Variants in BCL7B observed in about 807,000 individuals in gnomAD.
The protein encoded by BCL7B is B-cell CLL/lymphoma 7 protein family member B.
BCL7B carries 11 observed loss-of-function variants against 26.5 expected under a neutral mutation model. The ratio of observed to expected loss-of-function variants is 0.42; its 90% CI spans 0.26 to 0.69. BCL7B has a LOEUF of 0.69. BCL7B is among the 30% of genes least tolerant of loss of function. BCL7B has a pLI of 0.28. For synonymous variants in BCL7B, 111 were observed against 107.9 expected (o/e 1.03, Z -0.18); for missense variants, 215 against 264.4 (o/e 0.81, Z 1.30).
At chr7:73,557,061 C>T (rs1792386726) in intron 1 of BCL7B, 4 of 988,032 alleles carry the variant, frequency 4.0e-6, no homozygotes, top group Non-Finnish European at 3.6e-6. Context: ...CGCCTGAATA[C>T]GCAGAGCGCT....
intron 2 of BCL7B, among the ~76,000 whole-genome samples, chr7:73,548,776 C>G (rs1792051799): frequency 6.6e-6 from 1 of 151,528 alleles, no homozygotes. Flanking sequence ...ACTAAAAATA[C>G]AAAATTAGCC....
At chr7:73,541,018 G>A (rs760563481) in intron 3 of BCL7B, among the ~76,000 whole-genome samples, 10 of 151,648 alleles carry the variant, frequency 6.6e-5, no homozygotes, top group Non-Finnish European at 1.3e-4. Flanking sequence ...ATGATAGCAC[G>A]CGCCTGTAAT....
chr7:73,554,819 T>TGACA (rs1368661256), intron 1 of BCL7B, among the ~76,000 whole-genome samples: 2 of 146,100 alleles, frequency 1.4e-5, no homozygotes, highest in Non-Finnish European at 3.0e-5. Context: ...AAAAAACAGA[T>TGACA]GACATACTGG....
intron 1 of BCL7B, among the ~76,000 whole-genome samples, chr7:73,552,448 G>GA (rs1276637008): frequency 1.3e-5 from 2 of 151,744 alleles, no homozygotes; most frequent in Non-Finnish European, 2.9e-5. Context: ...AGGAGGTTGA[G>GA]AACAGCCTGG....
chr7:73,539,825 C>A, intron 4 of BCL7B, 57 bp downstream of exon 4: 1 of 1,585,908 alleles, frequency 6.3e-7, no homozygotes. Context: ...CGAGACACAA[C>A]AAGAGCAGAA....
chr7:73,556,922 A>C, intron 1 of BCL7B: 7 of 980,970 alleles, frequency 7.1e-6, no homozygotes, highest in Non-Finnish European at 8.5e-6. Flanking sequence ...CGGGGCAGCA[A>C]GAGAAAATGC....
At chr7:73,549,546 T>G (rs554873465) in intron 2 of BCL7B, among the ~76,000 whole-genome samples, 5 of 152,278 alleles carry the variant, frequency 3.3e-5, no homozygotes, top group African/African-American at 1.2e-4. Flanking sequence ...CGATGGCTCA[T>G]GCCTAAAATC....
intron 1 of BCL7B, among the ~76,000 whole-genome samples, chr7:73,554,683 G>A (rs552124718): frequency 4.0e-5 from 6 of 151,138 alleles, no homozygotes; most frequent in Admixed American, 2.7e-4. Flanking sequence ...CTGTAGTCCC[G>A]ACTACTCAGG....
At chr7:73,552,799 AG>A (rs1792226979) in intron 1 of BCL7B, among the ~76,000 whole-genome samples, 1 of 152,050 alleles carries the variant, frequency 6.6e-6, no homozygotes, top group Non-Finnish European at 1.5e-5. Context: ...GAAAAAAAAA[AG>A]GATGTGGGAC....
At chr7:73,554,749 G>C (rs914919605) in intron 1 of BCL7B, among the ~76,000 whole-genome samples, 3 of 144,844 alleles carry the variant, frequency 2.1e-5, no homozygotes, top group African/African-American at 7.8e-5. Context: ...AGTGAGCCAA[G>C]ACCACGCCAC....
chr7:73,552,263 A>G (rs1377695720), intron 1 of BCL7B, 21 bp from the exon 2 acceptor site: 1 of 1,588,344 alleles, frequency 6.3e-7, no homozygotes, highest in East Asian at 2.2e-5. Flanking sequence ...GACACTTCTT[A>G]GAACGGATAA....
At position 73,552,248 on chromosome 7, in the gene BCL7B, A is replaced by G. The variant is rs1554584249; in HGVS notation, c.93-6T>C. 6.2e-7 allele frequency: 1 copy of G among 1,605,888 alleles called. No homozygotes were observed. Among genetic ancestry groups the G allele is most frequent in the Non-Finnish European group, 8.5e-7 (1 of 1,176,300 alleles). Reference sequence around the variant, plus strand: ...CAGTCACCCACTTCTTCTCCCTAAAAGAAAGACACTTCTTAGAACGGATAA... The same window carrying G: ...CAGTCACCCACTTCTTCTCCCTAAAGGAAAGACACTTCTTAGAACGGATAA... On this transcript the variant is annotated splice_region_variant and splice_polypyrimidine_tract_variant and intron_variant, in intron 1 of 5. Coordinates refer to ENST00000223368, the MANE Select transcript of BCL7B (RefSeq NM_001707.4).
intron 1 of BCL7B, among the ~76,000 whole-genome samples, chr7:73,555,628 G>A (rs953138787): frequency 5.9e-5 from 9 of 152,118 alleles, no homozygotes; most frequent in South Asian, 4.1e-4. Context: ...GTAAGACAGC[G>A]GGCATCCTGG....
In BCL7B at chr7:73,544,439, A is replaced by AAAATAAAT. The variant is rs1158145394; in HGVS notation, c.169-803_169-796dup. Among the ~76,000 whole-genome samples, 65 of 151,472 alleles carry AAAATAAAT rather than the reference A, an allele frequency of 4.3e-4. No homozygotes were observed. In the East Asian group the frequency reaches 0.012, roughly 27 times the overall value. On this transcript the variant is annotated intron_variant, in intron 2 of 5. Coordinates refer to ENST00000223368, the MANE Select transcript of BCL7B (RefSeq NM_001707.4). ...AAAAACATAAAATAAAACAAAAAATAAAATAAATAAATAAATAAATAAATA... is the reference window on the plus strand; with the variant it reads ...AAAAACATAAAATAAAACAAAAAATAAAATAAATAAATAAATAAATAAATAAATAAATA...
chr7:73,555,999 TAC>T (rs1299869201), intron 1 of BCL7B, among the ~76,000 whole-genome samples: 1 of 151,890 alleles, frequency 6.6e-6, no homozygotes, highest in Admixed American at 6.6e-5. Flanking sequence ...GGGAGGCTGG[TAC>T]AGAGTTCCAG....
intron 2 of BCL7B, among the ~76,000 whole-genome samples, chr7:73,551,600 A>G (rs1208607618): frequency 1.3e-5 from 2 of 151,240 alleles, no homozygotes; most frequent in African/African-American, 2.4e-5. Context: ...CACCACGCCC[A>G]GCCAGTTATG....
intron 1 of BCL7B, among the ~76,000 whole-genome samples, chr7:73,554,182 T>C (rs1389540985): frequency 6.6e-6 from 1 of 151,706 alleles, no homozygotes; most frequent in Non-Finnish European, 1.5e-5. Context: ...AGGTTGATCT[T>C]GAACTCCTGG....
At chr7:73,543,750 C>A in intron 2 of BCL7B, 106 bp from the exon 3 acceptor site, 1 of 839,500 alleles carries the variant, frequency 1.2e-6, no homozygotes. Context: ...TAGGACTGAA[C>A]AGGAAAAACG....
intron 2 of BCL7B, among the ~76,000 whole-genome samples, chr7:73,546,610 G>C (rs1791965969): frequency 6.6e-6 from 1 of 151,818 alleles, no homozygotes; most frequent in Non-Finnish European, 1.5e-5. Flanking sequence ...GGAGGCTGCA[G>C]TGAGATGAGA....
Sources: allele counts gnomAD v4.1 joint callset (sites outside exome capture counted in the v4.1 genomes callset), GRCh38; gene constraint gnomAD v4.1.1; transcripts MANE v1.5; gene names NCBI Gene and HGNC (gene_info 2026-07-23, HGNC 2026-07-21).